LRP4: variants seen among roughly 807,000 people sequenced by gnomAD.
The protein encoded by LRP4 is LDL receptor related protein 4, also known as low-density lipoprotein receptor-related protein 4.
A neutral mutation model predicts 220.3 loss-of-function variants in LRP4; 95 were observed. The ratio of observed to expected loss-of-function variants is 0.43; its 90% CI spans 0.37 to 0.51. The LOEUF is 0.51. Ranked by LOEUF, LRP4 falls within the 20% of genes least tolerant of loss-of-function variation. The pLI is 0.00. For missense variants in LRP4, 1,925 were observed against 2,567.0 expected, an observed-to-expected ratio of 0.75 and a Z score of 5.40; for synonymous variants, 903 against 954.6, an observed-to-expected ratio of 0.95 and a Z score of 1.00.
intron 37 of LRP4, chr11:46,860,804 A>G (rs897698223): frequency 1.1e-5 from 2 of 183,978 alleles, no homozygotes; most frequent in Non-Finnish European, 2.1e-5. Context: ...TGAAATTAGT[A>G]TAAGATGCAG....
chr11:46,872,763 A>G (rs1364946121), intron 30 of LRP4, among the ~76,000 whole-genome samples: 1 of 152,186 alleles, frequency 6.6e-6, no homozygotes, highest in African/African-American at 2.4e-5. Context: ...AAAGTTCCAG[A>G]GCCTGAAGGG....
intron 30 of LRP4, among the ~76,000 whole-genome samples, chr11:46,872,379 G>C (rs965205631): frequency 2.0e-5 from 3 of 152,168 alleles, no homozygotes; most frequent in African/African-American, 7.2e-5. Context: ...TGGATCAGAA[G>C]GGGGCACAGA....
At position 46,896,225 on chromosome 11, in the gene LRP4, G is replaced by T. The variant is rs1233205385; in HGVS notation, c.1033C>A (p.Pro345Thr). 3 of 1,614,040 alleles carry T rather than the reference G, an allele frequency of 1.9e-6. No homozygotes were observed. The highest frequency in any genetic ancestry group is 2.5e-6 in the Non-Finnish European group (3 of 1,180,046). Residue 345 changes from proline to threonine, a missense_variant, in exon 9 of 38, where the codon CCA (proline) becomes ACA (threonine). Transcript: ENST00000378623. ...NDCGDNSDES[P>T]QQNCRPRTGE... ...GGACACTCACGGCAATTCTGCTGTGGGCTTTCGTCGCTGTTGTCACCACAG... is the reference window on the plus strand; with the variant it reads ...GGACACTCACGGCAATTCTGCTGTGTGCTTTCGTCGCTGTTGTCACCACAG...
At chr11:46,859,396 A>G (rs997303552) in intron 37 of LRP4, 81 bp from the exon 38 acceptor site, 1 of 1,048,964 alleles carries the variant, frequency 9.5e-7, no homozygotes, top group African/African-American at 1.6e-5. Context: ...AAGGAAGTGG[A>G]TGGGGTAAGA....
chr11:46,894,224 A>G (rs1017377560), intron 12 of LRP4, among the ~76,000 whole-genome samples: 1 of 152,140 alleles, frequency 6.6e-6, no homozygotes, highest in African/African-American at 2.4e-5. Context: ...ACATTTTGAT[A>G]TACTTATCCA....
intron 37 of LRP4, among the ~76,000 whole-genome samples, chr11:46,861,607 C>A (rs939391251): frequency 7.0e-6 from 1 of 143,168 alleles, no homozygotes; most frequent in African/African-American, 2.6e-5. Context: ...CTCACTGCAG[C>A]CTCCAACTCC....
intron 18 of LRP4, among the ~76,000 whole-genome samples, 177 bp downstream of exon 18, chr11:46,885,914 A>G (rs1941281127): frequency 6.6e-6 from 1 of 152,164 alleles, no homozygotes; most frequent in African/African-American, 2.4e-5. Context: ...TGAGCTTCTC[A>G]CGTGGGAGCT....
In LRP4 at chr11:46,890,072, C is replaced by T. The variant is rs747244183; in HGVS notation, c.1964G>A (p.Trp655Ter). Residue 655 changes from tryptophan (W) to a stop codon, truncating the protein, a stop_gained, in exon 15 of 38, where the codon TGG (tryptophan) becomes TAG (stop). Coordinates refer to ENST00000378623, the MANE Select transcript of LRP4 (RefSeq NM_002334.4). LOFTEE classifies it high-confidence loss of function. This position sits in a 1 kb window ranked among gnomAD's most constrained non-coding sequence, Gnocchi z 5.3. ...GATGCTCTTGGTGTGCCAGTCTGTC[C>T]AGTACAGGCTGTCTTCAAACACTGT... ...AITVFEDSLY[W>*]TDWHTKSINS... The T allele has an allele frequency of 6.2e-7, 1 of 1,614,150 alleles. No homozygotes were observed. The highest frequency in any genetic ancestry group is 8.5e-7 in the Non-Finnish European group (1 of 1,180,038).
At position 46,876,471 on chromosome 11, in the gene LRP4, C is replaced by G. The variant is rs1289900412; in HGVS notation, c.3531G>C (p.Glu1177Asp). Reference sequence around the variant, plus strand: ...GCGATACAGCCAGCTCTCACCCCATCTCATGGTACAGTACGATGGCCCGGG... The same window carrying G: ...GCGATACAGCCAGCTCTCACCCCATGTCATGGTACAGTACGATGGCCCGGG... ...DSPRAIVLYH[E>D]MGFMYWTDWG... Residue 1177 changes from glutamate to aspartate, a missense_variant, in exon 25 of 38, where the codon GAG (glutamate) becomes GAC (aspartate). Around this residue, in one of 3 missense-constraint regions of LRP4, gnomAD observed 1,244 missense variants for 1,624.9 expected, o/e 0.77. Coordinates refer to ENST00000378623, the MANE Select transcript of LRP4 (RefSeq NM_002334.4). The G allele has an allele frequency of 6.2e-7, 1 of 1,614,104 alleles. No homozygotes were observed. Among genetic ancestry groups the G allele is most frequent in the African/African-American group, 1.3e-5 (1 of 74,944 alleles).
chr11:46,886,116 G>C lies in LRP4; in HGVS notation c.2481C>G (p.Thr827=), dbSNP rs759325895. Residue 827 remains threonine (T), a synonymous_variant, in exon 18 of 38, where the codon ACC becomes ACG. Coordinates refer to ENST00000378623, the MANE Select transcript of LRP4 (RefSeq NM_002334.4). ...SPAGLAIDWV[T]NKLYWTDAGT... ...CTGCATCTGTCCAGTACAGTTTGTT[G>C]GTGACCCAATCAATGGCCAGGCCAG... The C allele has an allele frequency of 8.1e-6, 13 of 1,614,088 alleles. No individual in the cohort carries two copies. The South Asian group carries it at 1.1e-4, about 14-fold the overall frequency.
In LRP4 at chr11:46,890,064, A is replaced by C; in HGVS notation, c.1972T>G (p.Trp658Gly). 6.2e-7 allele frequency: 1 copy of C among 1,614,148 alleles called. No homozygotes were observed. Among genetic ancestry groups the C allele is most frequent in the Non-Finnish European group, 8.5e-7 (1 of 1,180,032 alleles). ...VFEDSLYWTDWHTKSINSANK... is the reference protein window; with the variant it reads ...VFEDSLYWTDGHTKSINSANK... Reference sequence around the variant, plus strand: ...GCGCTATTGATGCTCTTGGTGTGCCAGTCTGTCCAGTACAGGCTGTCTTCA... The same window carrying C: ...GCGCTATTGATGCTCTTGGTGTGCCCGTCTGTCCAGTACAGGCTGTCTTCA... Residue 658 changes from tryptophan (W) to glycine (G), a missense_variant, in exon 15 of 38, where the codon TGG becomes GGG. By Grantham distance (184) the Trp-to-Gly change is radical (BLOSUM62 -2). This residue lies in a region of LRP4 where 269 missense variants were observed against 436.7 expected (regional missense o/e 0.62). Transcript: ENST00000378623. The surrounding 1 kb of genome is among the most constrained non-coding windows in gnomAD (Gnocchi z 5.3).
intron 7 of LRP4, among the ~76,000 whole-genome samples, chr11:46,898,192 T>A (rs982187793): frequency 1.3e-5 from 2 of 152,114 alleles, no homozygotes; most frequent in Non-Finnish European, 2.9e-5. Flanking sequence ...GAGGCGCCCC[T>A]CACCTCCCGG....
chr11:46,874,895 A>T lies in LRP4; in HGVS notation c.4134T>A (p.His1378Gln), dbSNP rs763442262. ...CATTGTTGAGCTCAGGAACAGGGAC[A>T]TGCACATCGGTGTGGTCACTGGTGT... ...SLDTSDHTDV[H>Q]VPVPELNNVI... is the part of the protein sequence containing the mutation. Residue 1378 changes from histidine (H) to glutamine (Q), a missense_variant, in exon 28 of 38, where the codon CAT becomes CAA. By Grantham distance (24) the His-to-Gln change is conservative. Around this residue, in one of 3 missense-constraint regions of LRP4, gnomAD observed 1,244 missense variants for 1,624.9 expected, o/e 0.77. Transcript: ENST00000378623. 3.8e-5 allele frequency: 62 copies of T among 1,614,210 alleles called. No individual in the cohort carries two copies. In the South Asian group the frequency reaches 5.5e-4, roughly 14 times the overall value.
At chr11:46,893,550 A>G (rs1941465761) in intron 12 of LRP4, among the ~76,000 whole-genome samples, 1 of 152,058 alleles carries the variant, frequency 6.6e-6, no homozygotes, top group East Asian at 1.9e-4. Context: ...TGACCACTTC[A>G]CCTATTTGTA....
intron 18 of LRP4, 142 bp downstream of exon 18, chr11:46,885,949 C>A: frequency 1.3e-6 from 1 of 762,866 alleles, no homozygotes; most frequent in Non-Finnish European, 2.3e-6. Context: ...TGCAGCAGCC[C>A]TCCGGCTTCT....
chr11:46,901,101 G>A (rs1017239661), intron 2 of LRP4, among the ~76,000 whole-genome samples: 1 of 152,088 alleles, frequency 6.6e-6, no homozygotes. Context: ...CAGCCCCCTT[G>A]TCTGTTTTAT....
intron 17 of LRP4, 69 bp from the exon 18 acceptor site, chr11:46,886,241 A>G (rs986721673): frequency 2.0e-5 from 32 of 1,599,482 alleles, no homozygotes; most frequent in African/African-American, 2.7e-5. Context: ...AACTCCACCA[A>G]TTCTCAAGGT....
rs1365112439 is a variant in LRP4, at chr11:46,875,723, T to G, written c.3700-42A>C. The G allele has an allele frequency of 2.6e-5, 42 of 1,612,508 alleles. No homozygotes were observed. In the East Asian group the frequency reaches 9.1e-4, roughly 35 times the overall value. On this transcript the variant is annotated intron_variant, in intron 26 of 37. Transcript: ENST00000378623. The surrounding 1 kb of genome is among the most constrained non-coding windows in gnomAD (Gnocchi z 4.5). ...GGGTGGGGGGTGGTGATCAGCAGAT[T>G]GGGAACTCTCCATGGAGATCCTAGG...
At chr11:46,916,549 C>T (rs755001441) in intron 1 of LRP4, among the ~76,000 whole-genome samples, 19 of 148,530 alleles carry the variant, frequency 1.3e-4, no homozygotes, top group Non-Finnish European at 2.1e-4. Context: ...CACCCCCATC[C>T]TCTATGCACA....
Sources: gnomAD v4.1 joint callset for allele counts (sites outside exome capture counted in the v4.1 genomes callset) on GRCh38, gnomAD v4.1.1 for gene constraint, gnomAD v4.1.1 regional missense constraint, Gnocchi (gnomAD v3.1) non-coding constraint, MANE v1.5 for transcripts, NCBI Gene and HGNC (gene_info 2026-07-23, HGNC 2026-07-21) for gene names.